The following SUGP1 variants were observed in gnomAD, a reference collection of about 807,000 sequenced individuals.
SUGP1 encodes SURP and G-patch domain containing 1, also known as SURP and G-patch domain-containing protein 1.
A neutral mutation model predicts 76.5 loss-of-function variants in SUGP1; 34 were observed. The observed-to-expected ratio is 0.44, with a 90% CI of 0.34 to 0.59. The LOEUF is 0.59. SUGP1 is among the 20% of genes least tolerant of loss of function. The pLI, the probability that SUGP1 is intolerant of heterozygous loss-of-function variation, is 0.01. For synonymous variants in SUGP1, 326 were observed against 326.2 expected, an observed-to-expected ratio of 1.00 and a Z score of 0.01; for missense variants, 752 against 851.7, an observed-to-expected ratio of 0.88 and a Z score of 1.46.
At chr19:19,299,885 G>T (rs868051819) in intron 7 of SUGP1, among the ~76,000 whole-genome samples, 3 of 151,908 alleles carry the variant, frequency 2.0e-5, no homozygotes, top group Non-Finnish European at 4.4e-5. Flanking sequence ...TCCGCCTGCC[G>T]GGTTCAAGCC....
At chr19:19,303,562 C>T in intron 5 of SUGP1, 114 bp from the exon 6 acceptor site, 3 of 1,343,504 alleles carry the variant, frequency 2.2e-6, no homozygotes, top group Non-Finnish European at 2.1e-6. Context: ...GACCCGAAAG[C>T]AAGTCTCCGT....
intron 3 of SUGP1, among the ~76,000 whole-genome samples, chr19:19,306,955 G>A (rs2061322282): frequency 6.6e-6 from 1 of 152,180 alleles, no homozygotes; most frequent in Non-Finnish European, 1.5e-5. Context: ...CTGGTGGGGA[G>A]CAGCATCATG....
chr19:19,278,476 A>G (rs953102543), intron 11 of SUGP1, among the ~76,000 whole-genome samples: 3 of 152,062 alleles, frequency 2.0e-5, no homozygotes, highest in Non-Finnish European at 4.4e-5. Context: ...CCGCAGCCCC[A>G]GGAAATGTTT....
At chr19:19,277,588 T>G (rs980038317) in intron 12 of SUGP1, 146 bp downstream of exon 12, 5 of 1,114,370 alleles carry the variant, frequency 4.5e-6, no homozygotes, top group Non-Finnish European at 6.3e-6. Flanking sequence ...TGCAGGCCTG[T>G]GCCTGACAAG....
chr19:19,290,783 T>C (rs1255262076), intron 8 of SUGP1, among the ~76,000 whole-genome samples: 3 of 152,196 alleles, frequency 2.0e-5, no homozygotes, highest in Non-Finnish European at 4.4e-5. Context: ...AGCTAATCTA[T>C]CAGTTAATAT....
intron 8 of SUGP1, among the ~76,000 whole-genome samples, chr19:19,289,747 C>CA (rs1205351399): frequency 8.0e-5 from 12 of 150,340 alleles, no homozygotes; most frequent in Admixed American, 2.0e-4. Context: ...GACTCTGCCT[C>CA]AAAAAAAACA....
rs144854312 is a variant in SUGP1, at chr19:19,276,971, G to A, written c.1887C>T (p.Ala629=). Residue 629 remains alanine (A), a synonymous_variant, in exon 13 of 14, where the codon GCC becomes GCT. Coordinates refer to ENST00000247001, the MANE Select transcript of SUGP1 (RefSeq NM_172231.4). ...CCAGGGGGTTGGGCCGGAAGCGGTA[G>A]GCCAGCATCATCCTCTTGCGGAACG... ...YEAFRKRMML[A]YRFRPNPLNN... is the part of the protein sequence containing the mutation. The A allele has an allele frequency of 6.2e-7, 1 of 1,613,176 alleles. No individual in the cohort carries two copies. Among genetic ancestry groups the A allele is most frequent in the Non-Finnish European group, 8.5e-7 (1 of 1,180,034 alleles).
intron 7 of SUGP1, among the ~76,000 whole-genome samples, chr19:19,298,482 T>G (rs2061246517): frequency 6.6e-6 from 1 of 151,850 alleles, no homozygotes; most frequent in South Asian, 2.1e-4. Flanking sequence ...TGGACCAGAG[T>G]GAGACTCCAT....
chr19:19,278,773 T>C lies in SUGP1; in HGVS notation c.1552A>G (p.Met518Val), dbSNP rs1409053891. 6.2e-7 allele frequency: 1 copy of C among 1,613,716 alleles called. No individual in the cohort carries two copies. The highest frequency in any genetic ancestry group is 8.5e-7 in the Non-Finnish European group (1 of 1,179,904). ...TREWAEQLTK[M>V]GRGKHFIGDF... is the part of the protein sequence containing the mutation. Reference sequence around the variant, plus strand: ...CCGATGAAGTGCTTGCCCCGGCCCATCTTTGTCAGCTGCTCGGCCCATTCT... The same window carrying C: ...CCGATGAAGTGCTTGCCCCGGCCCACCTTTGTCAGCTGCTCGGCCCATTCT... Residue 518 changes from methionine to valine, a missense_variant, in exon 11 of 14, where the codon ATG becomes GTG. Met to Val is a conservative substitution (Grantham distance 21). This residue lies in a region of SUGP1 where 132 missense variants were observed against 234.4 expected (regional missense o/e 0.56). Coordinates refer to ENST00000247001, the MANE Select transcript of SUGP1 (RefSeq NM_172231.4).
intron 8 of SUGP1, among the ~76,000 whole-genome samples, chr19:19,296,134 T>G (rs547263700): frequency 6.6e-6 from 1 of 151,738 alleles, no homozygotes; most frequent in East Asian, 1.9e-4. Context: ...CTCAGCAACA[T>G]AGTGAGACCC....
At chr19:19,294,673 T>C (rs917997126) in intron 8 of SUGP1, among the ~76,000 whole-genome samples, 4 of 151,800 alleles carry the variant, frequency 2.6e-5, no homozygotes, top group Non-Finnish European at 5.9e-5. Flanking sequence ...AAAAAATAGA[T>C]ACATTTGACT....
chr19:19,305,311 A>G (rs967371058), intron 4 of SUGP1, among the ~76,000 whole-genome samples: 1 of 152,182 alleles, frequency 6.6e-6, no homozygotes, highest in Non-Finnish European at 1.5e-5. Context: ...CTGTCACCAC[A>G]GCCACCCCCC....
intron 8 of SUGP1, among the ~76,000 whole-genome samples, chr19:19,291,828 G>A (rs1778953394): frequency 6.6e-6 from 1 of 151,338 alleles, no homozygotes; most frequent in Admixed American, 6.6e-5. Flanking sequence ...GGGAGGCGGA[G>A]CTTGCAGTGA....
chr19:19,284,681 C>T (rs1305061235), intron 8 of SUGP1, among the ~76,000 whole-genome samples: 6 of 152,036 alleles, frequency 3.9e-5, no homozygotes, highest in African/African-American at 9.7e-5. Flanking sequence ...AAAAGCAAGG[C>T]GAAGGAGCGA....
intron 10 of SUGP1, 126 bp from the exon 11 acceptor site, chr19:19,278,922 AG>A: frequency 1.0e-6 from 1 of 976,594 alleles, no homozygotes; most frequent in South Asian, 1.5e-5. Context: ...GGAGGCGGCT[AG>A]GCCATGACCC....
chr19:19,303,250 C>T, intron 6 of SUGP1, 98 bp downstream of exon 6: 2 of 1,010,292 alleles, frequency 2.0e-6, no homozygotes, highest in East Asian at 2.4e-5. Context: ...CGGTGCCACA[C>T]AGTGCCACTC....
At chr19:19,308,817 C>T (rs940117752) in intron 3 of SUGP1, among the ~76,000 whole-genome samples, 9 of 152,332 alleles carry the variant, frequency 5.9e-5, no homozygotes, top group African/African-American at 1.7e-4. Flanking sequence ...TCTGTCTCTG[C>T]TCCTACAGGG....
chr19:19,320,080 C>T (rs1049712072), intron 1 of SUGP1, among the ~76,000 whole-genome samples: 6 of 152,242 alleles, frequency 3.9e-5, no homozygotes, highest in African/African-American at 1.4e-4. Flanking sequence ...TTCGGAAAAG[C>T]AGCTTTTCCA....
intron 9 of SUGP1, 135 bp from the exon 10 acceptor site, chr19:19,279,525 C>T (rs2061081147): frequency 1.1e-6 from 1 of 951,636 alleles, no homozygotes; most frequent in African/African-American, 1.7e-5. Context: ...AGGACTGGAG[C>T]AAGGACTCTA....
Sources: allele counts gnomAD v4.1 joint callset (sites outside exome capture counted in the v4.1 genomes callset), GRCh38; gene constraint gnomAD v4.1.1; regional missense constraint gnomAD v4.1.1; transcripts MANE v1.5; gene names NCBI Gene and HGNC (gene_info 2026-07-23, HGNC 2026-07-21).